The following PRPF6 variants were observed in gnomAD, a reference collection of about 807,000 sequenced individuals.
PRPF6 encodes the protein pre-mRNA-processing factor 6.
A neutral mutation model predicts 118.3 loss-of-function variants in PRPF6; 42 were observed. The ratio of observed to expected loss-of-function variants is 0.35; its 90% confidence interval spans 0.28 to 0.46. PRPF6 has a LOEUF of 0.46. PRPF6 is among the 20% of genes least tolerant of loss of function. PRPF6 has a pLI of 1.00. For missense variants in PRPF6, 662 were observed against 1,255.7 expected (o/e 0.53, Z 7.15); for synonymous variants, 481 against 485.1 (o/e 0.99, Z 0.11).
At chr20:64,014,668 A>G (rs1425950666) in intron 11 of PRPF6, among the ~76,000 whole-genome samples, 1 of 152,212 alleles carries the variant, frequency 6.6e-6, no homozygotes. Flanking sequence ...CAAAAAATAA[A>G]TAAAATAAAA....
chr20:64,010,842 A>G (rs2059213581), intron 10 of PRPF6, among the ~76,000 whole-genome samples: 1 of 152,204 alleles, frequency 6.6e-6, no homozygotes, highest in African/African-American at 2.4e-5. Context: ...AAACAACATT[A>G]ATCTTATTTT....
chr20:63,992,206 C>T (rs777788735), intron 3 of PRPF6, among the ~76,000 whole-genome samples: 4 of 152,164 alleles, frequency 2.6e-5, no homozygotes, highest in Non-Finnish European at 5.9e-5. Context: ...CTGCCTCAGT[C>T]TCCCAGGTAG....
chr20:64,016,621 G>A, intron 11 of PRPF6, 102 bp from the exon 12 acceptor site: 1 of 1,479,736 alleles, frequency 6.8e-7, no homozygotes, highest in Non-Finnish European at 9.2e-7. Context: ...ATCTTGTGCT[G>A]ATGTCTGTCA....
At chr20:63,983,303 G>A (rs1406163993) in intron 2 of PRPF6, 88 bp downstream of exon 2, 4 of 1,490,660 alleles carry the variant, frequency 2.7e-6, no homozygotes, top group East Asian at 4.5e-5. Flanking sequence ...TGTAATGAAT[G>A]GCTTGGAGTG....
intron 13 of PRPF6, among the ~76,000 whole-genome samples, chr20:64,024,110 T>C (rs887808108): frequency 1.3e-5 from 2 of 152,182 alleles, no homozygotes; most frequent in African/African-American, 4.8e-5. Context: ...TGCTCAATAG[T>C]GACCTGAAAT....
In PRPF6 at chr20:64,029,791, G is replaced by C. The variant is rs924800273; in HGVS notation, c.2546+300G>C. On this transcript the variant is annotated intron_variant, in intron 19 of 20. Coordinates refer to ENST00000266079, the MANE Select transcript of PRPF6 (RefSeq NM_012469.4). The surrounding 1 kb of genome is among the most constrained non-coding windows in gnomAD (Gnocchi z 4.8). ...ATTCACACTGGTGCGCTGGCCGCCA[G>C]GTCAGAGACTCACCGGGGACGCATG... Among the ~76,000 whole-genome samples, 3 of 144,348 alleles carry C rather than the reference G, an allele frequency of 2.1e-5. No homozygotes were observed. The highest frequency in any genetic ancestry group is 7.2e-5 in the Admixed American group (1 of 13,882). 94.7% of individuals were successfully genotyped at this position (144,348 alleles called of 152,430 possible). A position where few individuals can be genotyped will look rare whatever the true frequency, so the allele number is the denominator to read the frequency against.
Position 64,028,456 on chromosome 20 carries a change from C to T in PRPF6, c.2340-22C>T, listed in dbSNP as rs756996405. 1 of 1,613,488 alleles carries T rather than the reference C, an allele frequency of 6.2e-7. No homozygotes were observed. Among genetic ancestry groups the T allele is most frequent in the South Asian group, 1.1e-5 (1 of 91,072 alleles). ...TGCTGTTGGTAGACGGCTGTGGGAC[C>T]TCCGGGGGCCTGTCTCCTCAGGTTG... On this transcript the variant is annotated intron_variant, in intron 17 of 20. Coordinates refer to ENST00000266079, the MANE Select transcript of PRPF6 (RefSeq NM_012469.4). The surrounding 1 kb of genome is among the most constrained non-coding windows in gnomAD (Gnocchi z 6.5).
intron 14 of PRPF6, among the ~76,000 whole-genome samples, chr20:64,024,924 G>A (rs766737024): frequency 1.3e-5 from 2 of 152,126 alleles, no homozygotes; most frequent in Non-Finnish European, 2.9e-5. Flanking sequence ...GTGTGACCAC[G>A]GGTAAATGTT....
chr20:64,009,854 A>G (rs1162379937), intron 9 of PRPF6, among the ~76,000 whole-genome samples: 2 of 152,182 alleles, frequency 1.3e-5, no homozygotes, highest in Non-Finnish European at 2.9e-5. Flanking sequence ...CTCTTTTCAG[A>G]CGTCACATAA....
intron 6 of PRPF6, 70 bp from the exon 7 acceptor site, chr20:63,998,975 G>A: frequency 2.7e-6 from 3 of 1,122,424 alleles, no homozygotes; most frequent in Non-Finnish European, 4.0e-6. Context: ...AGGGGCACCA[G>A]GGACCCTCTG....
chr20:63,991,404 A>C (rs1308700613), intron 3 of PRPF6, among the ~76,000 whole-genome samples: 1 of 152,154 alleles, frequency 6.6e-6, no homozygotes, highest in Non-Finnish European at 1.5e-5. Flanking sequence ...CCTGGGCAAC[A>C]GACCAAGGCC....
chr20:63,994,800 A>G, intron 4 of PRPF6, 116 bp from the exon 5 acceptor site: 1 of 1,367,476 alleles, frequency 7.3e-7, no homozygotes, highest in African/African-American at 1.4e-5. Flanking sequence ...TGCTGCATCC[A>G]AATCCCTTCT....
chr20:63,999,291 T>C (rs117249806), intron 7 of PRPF6, 152 bp downstream of exon 7: 13,906 of 757,106 alleles, frequency 0.018, 186 homozygotes, highest in Non-Finnish European at 0.026. Flanking sequence ...TTGAAATGTA[T>C]CTGTATCCAT....
At chr20:64,009,034 C>T (rs1390358288) in intron 9 of PRPF6, among the ~76,000 whole-genome samples, 1 of 151,980 alleles carries the variant, frequency 6.6e-6, no homozygotes. Flanking sequence ...CCTGTAATCC[C>T]AGCACTTCGG....
At chr20:63,995,874 C>T (rs1039887696) in intron 6 of PRPF6, among the ~76,000 whole-genome samples, 2 of 151,932 alleles carry the variant, frequency 1.3e-5, no homozygotes, top group East Asian at 3.9e-4. Flanking sequence ...CCAGGCTGGT[C>T]TTGAACTCCT....
chr20:64,011,570 G>T lies in PRPF6; in HGVS notation c.1524+67G>T. The stretch of plus-strand genomic sequence containing the variant: ...CACATGCAGCACGTGAGAGTCCCAC[G>T]CAGGACTGGGGGTTGCTGGATGGTA... On this transcript the variant is annotated intron_variant, in intron 11 of 20. Transcript: ENST00000266079. This position sits in a 1 kb window ranked among gnomAD's most constrained non-coding sequence, Gnocchi z 6.7. 1 of 1,512,452 alleles carries T rather than the reference G, an allele frequency of 6.6e-7. No individual in the cohort carries two copies. Among genetic ancestry groups the T allele is most frequent in the South Asian group, 1.2e-5 (1 of 83,788 alleles). The allele number at this position is 1,512,452 out of a possible 1,614,324, so 93.7% of individuals were successfully genotyped here. A position where few individuals can be genotyped will look rare whatever the true frequency, so the allele number is the denominator to read the frequency against.
intron 2 of PRPF6, among the ~76,000 whole-genome samples, chr20:63,983,827 A>G (rs986154172): frequency 5.3e-5 from 8 of 151,656 alleles, no homozygotes; most frequent in African/African-American, 1.9e-4. Flanking sequence ...CTAATTTTGT[A>G]TTTTTAGTAG....
At chr20:63,988,050 G>C (rs2059102457) in intron 3 of PRPF6, among the ~76,000 whole-genome samples, 1 of 150,532 alleles carries the variant, frequency 6.6e-6, no homozygotes, top group East Asian at 2.0e-4. Flanking sequence ...CCAGGCGCTG[G>C]GACTCACGCC....
At chr20:64,023,904 G>T (rs2059276701) in intron 13 of PRPF6, among the ~76,000 whole-genome samples, 1 of 152,260 alleles carries the variant, frequency 6.6e-6, no homozygotes, top group Non-Finnish European at 1.5e-5. Context: ...AGGAGAGGCA[G>T]TAGTGCTGGG....
Sources: allele counts gnomAD v4.1 joint callset (sites outside exome capture counted in the v4.1 genomes callset), GRCh38; gene constraint gnomAD v4.1.1; non-coding constraint Gnocchi (gnomAD v3.1); transcripts MANE v1.5; gene names NCBI Gene and HGNC (gene_info 2026-07-23, HGNC 2026-07-21).